Variants in CAPN10 observed in about 807,000 individuals in gnomAD.
CAPN10 encodes the protein calpain-10.
A neutral mutation model predicts 78.4 loss-of-function variants in CAPN10; 71 were observed. The observed-to-expected ratio is 0.91, with a 90% confidence interval of 0.75 to 1.10. CAPN10 has a LOEUF of 1.10. Ranked by LOEUF, CAPN10 falls within the 50% of genes least tolerant of loss-of-function variation. CAPN10 has a pLI of 0.00. For missense variants in CAPN10, 849 were observed against 924.6 expected (o/e 0.92, Z 1.06); for synonymous variants, 437 against 407.2 (o/e 1.07, Z -0.88).
chr2:240,595,026 A>T lies in CAPN10; in HGVS notation c.1000A>T (p.Arg334Trp). 6.2e-7 allele frequency: 1 copy of T among 1,612,824 alleles called. No individual in the cohort carries two copies. Among genetic ancestry groups the T allele is most frequent in the Non-Finnish European group, 8.5e-7 (1 of 1,179,952 alleles). The change falls in exon 7 of 12, where the codon AGG becomes TGG. Residue 334 changes from arginine (R) to tryptophan (W), a missense_variant and splice_region_variant. Physicochemically the swap from Arg to Trp is moderately radical, Grantham distance 101. Transcript: ENST00000391984. ...GATGCCTGGTGTTTTCTCACTAGAG[A>T]GGCTGCTCTGCCATACGCGGGCGCT... is the stretch of plus-strand genomic sequence containing the variant. Reference protein sequence around the residue: ...AGHLQSLYTERLLCHTRALPG... With the variant: ...AGHLQSLYTEWLLCHTRALPG...
At chr2:240,592,374 C>T (rs2093108087) in intron 4 of CAPN10, 1 of 692,818 alleles carries the variant, frequency 1.4e-6, no homozygotes, top group Admixed American at 2.1e-5. Flanking sequence ...GTCCTTTCCA[C>T]TAGTGCGAGG....
chr2:240,591,007 G>C lies in CAPN10; in HGVS notation c.466G>C (p.Ala156Pro), dbSNP rs371403663. The C allele has an allele frequency of 6.2e-7, 1 of 1,613,496 alleles. No individual in the cohort carries two copies. Among genetic ancestry groups the C allele is most frequent in the African/African-American group, 1.3e-5 (1 of 75,058 alleles). ...FWLPLLEKVYAKVHGSYEHLW... is the reference protein window; with the variant it reads ...FWLPLLEKVYPKVHGSYEHLW... ...GCTCCCCTTACTGGAAAAGGTCTACGCCAAGTGCGTGTGCTGGGGGCTGAA... is the reference window on the plus strand; with the variant it reads ...GCTCCCCTTACTGGAAAAGGTCTACCCCAAGTGCGTGTGCTGGGGGCTGAA... Residue 156 changes from alanine (A) to proline (P), a missense_variant, in exon 3 of 12, where the codon GCC becomes CCC. Ala to Pro is a conservative substitution (Grantham distance 27, BLOSUM62 -1). Transcript: ENST00000391984.
chr2:240,589,597 TG>T, intron 2 of CAPN10, 123 bp downstream of exon 2: 1 of 1,253,588 alleles, frequency 8.0e-7, no homozygotes, highest in Non-Finnish European at 1.1e-6. Context: ...CCTGCTGTGT[TG>T]GGGGAAGGCA....
Position 240,596,693 on chromosome 2 carries a change from A to G in CAPN10, c.1494A>G (p.Ala498=). The G allele has an allele frequency of 6.4e-7, 1 of 1,553,548 alleles. No individual in the cohort carries two copies. Among genetic ancestry groups the G allele is most frequent in the Non-Finnish European group, 8.7e-7 (1 of 1,149,280 alleles). The change falls in exon 9 of 12, where the codon GCA becomes GCG. Residue 498 remains alanine (A), a synonymous_variant. Coordinates refer to ENST00000391984, the MANE Select transcript of CAPN10 (RefSeq NM_023083.4). The part of the protein sequence containing the change: ...TGRVSLSAIR[A]VAKNTTPGAA... Reference sequence around the variant, plus strand: ...GTCTTCTTGGCAGCGCCATCAGGGCAGTGGCCAAGAACACCACCCCCGGGG... The same window carrying G: ...GTCTTCTTGGCAGCGCCATCAGGGCGGTGGCCAAGAACACCACCCCCGGGG...
rs1466933541 is a variant in CAPN10, at chr2:240,596,834, C to G, written c.1635C>G (p.Pro545=). 1.2e-6 allele frequency: 2 copies of G among 1,613,550 alleles called. No homozygotes were observed. The highest frequency in any genetic ancestry group is 2.7e-5 in the African/African-American group (2 of 75,070). ...CATACCCCACCAACCCCTGCTTCCC[C>G]TTCTCGGTCCCCGAGGGCCCTGGCC... ...FASYPTNPCF[P]FSVPEGPGPR... Residue 545 remains proline, a synonymous_variant, in exon 9 of 12, where the codon CCC becomes CCG. Transcript: ENST00000391984.
chr2:240,591,174 A>C (rs961703767), intron 3 of CAPN10, 163 bp downstream of exon 3: 4 of 631,978 alleles, frequency 6.3e-6, no homozygotes, highest in Non-Finnish European at 2.7e-6. Context: ...GGCCAGGTGC[A>C]GAGATTCTTC....
intron 5 of CAPN10, 179 bp downstream of exon 5, chr2:240,594,226 G>A: frequency 1.4e-6 from 1 of 698,758 alleles, no homozygotes; most frequent in Non-Finnish European, 2.2e-6. Flanking sequence ...TGTGAGGCCT[G>A]GGACCAAGGT....
intron 4 of CAPN10, among the ~76,000 whole-genome samples, chr2:240,593,670 C>T (rs1176322377): frequency 6.6e-6 from 1 of 152,210 alleles, no homozygotes; most frequent in African/African-American, 2.4e-5. Flanking sequence ...GCACCAGACC[C>T]GGATGGCAGC....
chr2:240,598,395 G>A lies in CAPN10; in HGVS notation c.1987G>A (p.Glu663Lys). Residue 663 changes from glutamate (E) to lysine (K), a missense_variant and splice_region_variant, in exon 11 of 12, where the codon GAG (glutamate) becomes AAG (lysine). Glu to Lys is a moderately conservative substitution (Grantham distance 56). Transcript: ENST00000391984. ...SQEMLGQFLQ[E>K]VSIMAVMKT The stretch of plus-strand genomic sequence containing the variant: ...GGAGATGCTGGGCCAGTTCCTCCAA[G>A]AGGTGTGTATGCAGCCCCGCCAGCC... 6.2e-7 allele frequency: 1 copy of A among 1,613,778 alleles called. No homozygotes were observed.
intron 11 of CAPN10, 122 bp downstream of exon 11, chr2:240,598,519 G>C: frequency 1.4e-6 from 2 of 1,454,320 alleles, no homozygotes; most frequent in Non-Finnish European, 1.9e-6. Context: ...GACTCTTCCT[G>C]TGAGAGCCCC....
intron 1 of CAPN10, among the ~76,000 whole-genome samples, chr2:240,587,671 C>T (rs1185311739): frequency 1.3e-5 from 2 of 152,240 alleles, no homozygotes; most frequent in South Asian, 2.1e-4. Context: ...TCGAACAGAG[C>T]TGGAACTTCT....
rs571996013 is a variant in CAPN10, at chr2:240,589,239, G to A, written c.142-104G>A. On this transcript the variant is annotated intron_variant, in intron 1 of 11. Coordinates refer to ENST00000391984, the MANE Select transcript of CAPN10 (RefSeq NM_023083.4). ...CCCTTTTTGGGTAACACTGATGATC[G>A]GAAAAGCTCCACCCCAACTCCTGTC... 6.4e-4 allele frequency: 944 copies of A among 1,479,914 alleles called. 9 individuals carry two copies. The South Asian group carries it at 8.6e-3, about 13-fold the overall frequency. The allele number at this position is 1,479,914 out of a possible 1,614,324, so 91.7% of individuals were successfully genotyped here. A position where few individuals can be genotyped will look rare whatever the true frequency, so the allele number is the denominator to read the frequency against.
chr2:240,598,313 A>C (rs1297348143), intron 10 of CAPN10, 39 bp from the exon 11 acceptor site: 16 of 1,611,094 alleles, frequency 9.9e-6, no homozygotes, highest in Non-Finnish European at 1.3e-5. Flanking sequence ...TTGTGTGACA[A>C]GTGCAGTCTG....
chr2:240,590,428 A>T (rs2093094223), intron 2 of CAPN10: 1 of 164,150 alleles, frequency 6.1e-6, no homozygotes, highest in African/African-American at 2.4e-5. Context: ...TTCAGGTCAG[A>T]TGCTTTTAGT....
Position 240,590,493 on chromosome 2 carries a change from T to A in CAPN10, c.274-322T>A, listed in dbSNP as rs2093094582. ...TGGCTCCCTCGGTGTGGTCCTCAAG[T>A]TTTGCAATGAGAGGTCTGTTAATTT... On this transcript the variant is annotated intron_variant, in intron 2 of 11. Transcript: ENST00000391984. 7 of 252,210 alleles carry A rather than the reference T, an allele frequency of 2.8e-5. No homozygotes were observed. In the South Asian group the frequency reaches 5.1e-4, roughly 18 times the overall value. The allele number at this position is 252,210 out of a possible 1,614,324, so 15.6% of individuals were successfully genotyped here. A position where few individuals can be genotyped will look rare whatever the true frequency, so the allele number is the denominator to read the frequency against.
intron 2 of CAPN10, chr2:240,589,756 C>T (rs932458440): frequency 1.9e-5 from 7 of 372,742 alleles, no homozygotes; most frequent in East Asian, 1.4e-4. Context: ...CAGATCACCA[C>T]GTTTAGAATA....
chr2:240,587,424 C>A (rs936350414), intron 1 of CAPN10, among the ~76,000 whole-genome samples: 4 of 152,252 alleles, frequency 2.6e-5, no homozygotes, highest in African/African-American at 9.6e-5. Flanking sequence ...GCTCGTGCCC[C>A]TCTGAAGTGG....
rs530827882 is a variant in CAPN10, at chr2:240,591,977, A to T, written c.515A>T (p.Asp172Val). The change falls in exon 4 of 12, where the codon GAT (aspartate) becomes GTT (valine). Residue 172 changes from aspartate to valine, a missense_variant. By Grantham distance (152) the Asp-to-Val change is radical (BLOSUM62 -3). Coordinates refer to ENST00000391984, the MANE Select transcript of CAPN10 (RefSeq NM_023083.4). ...CACCTGTGGGCCGGGCAGGTGGCGGATGCCCTGGTGGACCTGACCGGCGGC... is the reference window on the plus strand; with the variant it reads ...CACCTGTGGGCCGGGCAGGTGGCGGTTGCCCTGGTGGACCTGACCGGCGGC... Reference protein sequence around the residue: ...YEHLWAGQVADALVDLTGGLA... With the variant: ...YEHLWAGQVAVALVDLTGGLA... 1 of 1,613,532 alleles carries T rather than the reference A, an allele frequency of 6.2e-7. No homozygotes were observed. The highest frequency in any genetic ancestry group is 1.1e-5 in the South Asian group (1 of 91,016).
intron 10 of CAPN10, 101 bp from the exon 11 acceptor site, chr2:240,598,251 C>A: frequency 6.8e-7 from 1 of 1,475,258 alleles, no homozygotes; most frequent in Non-Finnish European, 9.5e-7. Flanking sequence ...CCTTGCTGGT[C>A]TGAGCCTGGA....
Sources: gnomAD v4.1 joint callset for allele counts (sites outside exome capture counted in the v4.1 genomes callset) on GRCh38, gnomAD v4.1.1 for gene constraint, MANE v1.5 for transcripts, NCBI Gene and HGNC (gene_info 2026-07-23, HGNC 2026-07-21) for gene names.